The following SULF1 variants were observed in gnomAD, a reference collection of about 807,000 sequenced individuals.
SULF1 encodes extracellular sulfatase Sulf-1.
Under a neutral mutation model 110.5 loss-of-function variants are expected in SULF1, and 46 were observed. That is an observed-to-expected ratio of 0.42 (90% CI 0.33 to 0.53). The LOEUF is 0.53. Ranked by LOEUF, SULF1 falls within the 20% of genes least tolerant of loss-of-function variation. The probability of loss-of-function intolerance (pLI) is 0.12; values close to 1 mark genes in which losing one functional copy is unlikely to be tolerated. For synonymous variants in SULF1, 371 were observed against 387.1 expected, an observed-to-expected ratio of 0.96 and a Z score of 0.49; for missense variants, 941 against 1,094.2, an observed-to-expected ratio of 0.86 and a Z score of 1.98.
intron 3 of SULF1, among the ~76,000 whole-genome samples, chr8:69,554,330 T>A (rs556025811): frequency 6.6e-6 from 1 of 152,344 alleles, no homozygotes; most frequent in African/African-American, 2.4e-5. Context: ...TTGCCTTAAA[T>A]GTCCCTGGAC....
intron 3 of SULF1, among the ~76,000 whole-genome samples, chr8:69,549,727 G>A (rs1170639442): frequency 2.0e-5 from 3 of 152,250 alleles, no homozygotes; most frequent in East Asian, 1.9e-4. Context: ...GACTGACTGC[G>A]TGACTATGCA....
chr8:69,582,988 A>T (rs1263667243), intron 6 of SULF1, among the ~76,000 whole-genome samples: 2 of 152,178 alleles, frequency 1.3e-5, no homozygotes, highest in African/African-American at 4.8e-5. Flanking sequence ...ATCCTGAGTC[A>T]CCTGATGTGA....
chr8:69,515,427 A>G (rs1395245719), intron 3 of SULF1, among the ~76,000 whole-genome samples: 1 of 152,162 alleles, frequency 6.6e-6, no homozygotes, highest in Non-Finnish European at 1.5e-5. Context: ...AGGGCTGCAT[A>G]GAACAGTGGG....
intron 10 of SULF1, 99 bp downstream of exon 10, chr8:69,601,928 A>G: frequency 7.7e-7 from 1 of 1,299,460 alleles, no homozygotes; most frequent in Non-Finnish European, 1.1e-6. Context: ...TTTCATCCAA[A>G]ACAAAAAAGG....
In SULF1 at chr8:69,583,408, A is replaced by T. The variant is rs1358961017; in HGVS notation, c.413-2949A>T. Among the ~76,000 whole-genome samples the T allele has an allele frequency of 5.0e-3, 147 of 29,430 alleles. 2 individuals carry two copies. The highest frequency in any genetic ancestry group is 0.025 in the Middle Eastern group (1 of 40). The allele number at this position is 29,430 out of a possible 152,430, so 19.3% of individuals were successfully genotyped here. On this transcript the variant is annotated intron_variant, in intron 6 of 22. Transcript: ENST00000402687. ...TATGGTGAAACCCCATCTCTATTTAAAAAAAAAAAAAAAAAATTAGCCAGG... is the reference window on the plus strand; with the variant it reads ...TATGGTGAAACCCCATCTCTATTTATAAAAAAAAAAAAAAAATTAGCCAGG...
chr8:69,536,501 G>A (rs1204814890), intron 3 of SULF1, among the ~76,000 whole-genome samples: 2 of 152,098 alleles, frequency 1.3e-5, no homozygotes, highest in East Asian at 3.9e-4. Context: ...CCTGTTGTTT[G>A]TGTTTATTAA....
chr8:69,505,556 T>C (rs1811128312), intron 3 of SULF1, among the ~76,000 whole-genome samples: 1 of 152,118 alleles, frequency 6.6e-6, no homozygotes, highest in Admixed American at 6.5e-5. Context: ...TTAAGTTAAA[T>C]TTAGTATATT....
chr8:69,562,165 G>T (rs1815531439), intron 3 of SULF1, among the ~76,000 whole-genome samples: 1 of 152,174 alleles, frequency 6.6e-6, no homozygotes, highest in Non-Finnish European at 1.5e-5. Flanking sequence ...ATAATTACAG[G>T]CTGCAGAGTG....
At chr8:69,631,413 G>T (rs949674966) in intron 19 of SULF1, among the ~76,000 whole-genome samples, 1 of 152,174 alleles carries the variant, frequency 6.6e-6, no homozygotes, top group African/African-American at 2.4e-5. Context: ...GCTCAGAGGA[G>T]CTAGGGTGAT....
chr8:69,600,828 G>A lies in SULF1; in HGVS notation c.885+75G>A, dbSNP rs1043104484. On this transcript the variant is annotated intron_variant, in intron 9 of 22. Transcript: ENST00000402687. ...GTGTAGACTTATTCTTGCCAATCCT[G>A]TTTGGTTTTTTCCCCTTCATTTTCC... is the stretch of plus-strand genomic sequence containing the variant. 23 of 1,495,474 alleles carry A rather than the reference G, an allele frequency of 1.5e-5. No individual in the cohort carries two copies. The African/African-American group carries it at 2.9e-4, about 19-fold the overall frequency. The allele number at this position is 1,495,474 out of a possible 1,614,324, so 92.6% of individuals were successfully genotyped here. A position where few individuals can be genotyped will look rare whatever the true frequency, so the allele number is the denominator to read the frequency against.
intron 1 of SULF1, chr8:69,467,208 G>A (rs1045554816): frequency 2.0e-5 from 3 of 152,098 alleles, no homozygotes; most frequent in Non-Finnish European, 2.9e-5. Flanking sequence ...TCATATCCCC[G>A]TTGTATACTC....
intron 1 of SULF1, among the ~76,000 whole-genome samples, chr8:69,478,746 T>C (rs1296204506): frequency 6.6e-6 from 1 of 152,202 alleles, no homozygotes; most frequent in Non-Finnish European, 1.5e-5. Context: ...TTTATTCTTA[T>C]TCTCATCATT....
At chr8:69,479,330 T>C (rs1162218131) in intron 1 of SULF1, among the ~76,000 whole-genome samples, 1 of 152,202 alleles carries the variant, frequency 6.6e-6, no homozygotes, top group East Asian at 1.9e-4. Context: ...GTGCTAGATA[T>C]ATAGGCCTGT....
At chr8:69,636,936 A>G (rs1377878294) in intron 19 of SULF1, among the ~76,000 whole-genome samples, 1 of 152,144 alleles carries the variant, frequency 6.6e-6, no homozygotes, top group Admixed American at 6.5e-5. Flanking sequence ...AGTGACCGTG[A>G]CCTTTTTTGG....
At position 69,554,978 on chromosome 8, in the gene SULF1, C is replaced by CAAAAAAAAAAA. The variant is rs141225696; in HGVS notation, c.-133-8551_-133-8541dup. On this transcript the variant is annotated intron_variant, in intron 3 of 22. Transcript: ENST00000402687. ...TGGGCGACAGGGCGAGATTCCATCTCAAAAAAAAAAAAAAAAAAAACAAAA... is the reference window on the plus strand; with the variant it reads ...TGGGCGACAGGGCGAGATTCCATCTCAAAAAAAAAAAAAAAAAAAAAAAAAAAAAAACAAAA... Among the ~76,000 whole-genome samples the CAAAAAAAAAAA allele has an allele frequency of 1.6e-4, 10 of 63,480 alleles. 1 individual carries two copies. The highest frequency in any genetic ancestry group is 4.0e-4 in the African/African-American group (4 of 10,060). The allele number at this position is 63,480 out of a possible 152,430, so 41.6% of individuals were successfully genotyped here.
At chr8:69,509,569 G>A (rs141665536) in intron 3 of SULF1, among the ~76,000 whole-genome samples, 35 of 152,228 alleles carry the variant, frequency 2.3e-4, no homozygotes, top group Non-Finnish European at 3.8e-4. Context: ...AACTCACCTG[G>A]GACATGTGCT....
intron 22 of SULF1, among the ~76,000 whole-genome samples, chr8:69,644,982 CAA>C (rs1359050778): frequency 1.3e-5 from 2 of 152,100 alleles, no homozygotes; most frequent in Non-Finnish European, 2.9e-5. Flanking sequence ...GATGCTCAAA[CAA>C]GAGATGGAGC....
At chr8:69,590,097 T>C (rs796529617) in intron 8 of SULF1, among the ~76,000 whole-genome samples, 4 of 152,316 alleles carry the variant, frequency 2.6e-5, no homozygotes, top group African/African-American at 9.6e-5. Flanking sequence ...CTTACGAAAA[T>C]AGGTAAGTAA....
Position 69,600,720 on chromosome 8 carries a change from G to A in SULF1, c.852G>A (p.Gln284=). 1 of 1,613,996 alleles carries A rather than the reference G, an allele frequency of 6.2e-7. No individual in the cohort carries two copies. The highest frequency in any genetic ancestry group is 8.5e-7 in the Non-Finnish European group (1 of 1,179,914). Reference sequence around the variant, plus strand: ...ACATTCTACAGCGCAAAAGGCTCCAGACTTTGATGTCAGTGGATGATTCTG... The same window carrying A: ...ACATTCTACAGCGCAAAAGGCTCCAAACTTTGATGTCAGTGGATGATTCTG... ...FTNILQRKRL[Q]TLMSVDDSVE... is the part of the protein sequence containing the mutation. The change falls in exon 9 of 23, where the codon CAG becomes CAA. Residue 284 remains glutamine (Q), a synonymous_variant. Coordinates refer to ENST00000402687, the MANE Select transcript of SULF1 (RefSeq NM_001128205.2).
Sources: gnomAD v4.1 joint callset for allele counts (sites outside exome capture counted in the v4.1 genomes callset) on GRCh38, gnomAD v4.1.1 for gene constraint, MANE v1.5 for transcripts, NCBI Gene and HGNC (gene_info 2026-07-23, HGNC 2026-07-21) for gene names.